The following GALNT18 variants were observed in gnomAD, a reference collection of about 807,000 sequenced individuals.
GALNT18 encodes the protein GalNAc-transferase 18.
Under a neutral mutation model 69.5 loss-of-function variants are expected in GALNT18, and 44 were observed. The ratio of observed to expected loss-of-function variants is 0.63; its 90% confidence interval spans 0.50 to 0.81. The LOEUF is 0.81. GALNT18 is among the 40% of genes least tolerant of loss of function. GALNT18 has a pLI of 0.00. For missense variants in GALNT18, 715 were observed against 810.0 expected (o/e 0.88, Z 1.42); for synonymous variants, 364 against 318.2 (o/e 1.14, Z -1.53).
chr11:11,376,338 C>G (rs1418097371), intron 5 of GALNT18, among the ~76,000 whole-genome samples: 1 of 152,128 alleles, frequency 6.6e-6, no homozygotes, highest in African/African-American at 2.4e-5. Context: ...GCCGAGATCA[C>G]GCCATTGCCC....
chr11:11,324,000 G>A (rs1281110795), intron 9 of GALNT18, among the ~76,000 whole-genome samples: 1 of 152,132 alleles, frequency 6.6e-6, no homozygotes, highest in Non-Finnish European at 1.5e-5. Context: ...GACCTGATAG[G>A]ATTAGCATCC....
chr11:11,288,820 G>T (rs983698604), intron 10 of GALNT18, among the ~76,000 whole-genome samples: 2 of 152,056 alleles, frequency 1.3e-5, no homozygotes, highest in African/African-American at 4.8e-5. Context: ...CAGGGTATGA[G>T]ATGGAACACT....
intron 6 of GALNT18, chr11:11,352,961 T>C (rs1589930463): frequency 1.2e-6 from 2 of 1,614,226 alleles, no homozygotes; most frequent in Non-Finnish European, 1.7e-6. Flanking sequence ...TGGCTTCAAA[T>C]ACTTCACTGT....
At position 11,480,163 on chromosome 11, in the gene GALNT18, T is replaced by A. The variant is rs570953986; in HGVS notation, c.236-31227A>T. On this transcript the variant is annotated intron_variant, in intron 1 of 10. Coordinates refer to ENST00000227756, the MANE Select transcript of GALNT18 (RefSeq NM_198516.3). The surrounding 1 kb of genome is among the most constrained non-coding windows in gnomAD (Gnocchi z 4.6). The stretch of plus-strand genomic sequence containing the variant: ...CAATAACCTCCTATCTGAAACATCA[T>A]CTCCCAGAACAAGCCATGGGTGGTA... 1.8e-3 allele frequency among the ~76,000 whole-genome samples: 272 copies of A among 152,216 alleles called. 1 individual carries two copies. Among genetic ancestry groups the A allele is most frequent in the African/African-American group, 6.2e-3 (256 of 41,522 alleles).
chr11:11,376,402 A>T (rs1028640031), intron 5 of GALNT18, among the ~76,000 whole-genome samples: 1 of 152,202 alleles, frequency 6.6e-6, no homozygotes, highest in South Asian at 2.1e-4. Context: ...ACAAACACAG[A>T]CAGAAATAAA....
chr11:11,304,546 A>G (rs545376451), intron 9 of GALNT18, among the ~76,000 whole-genome samples: 1 of 152,274 alleles, frequency 6.6e-6, no homozygotes, highest in African/African-American at 2.4e-5. Context: ...ACTGAGGAAT[A>G]CTTCCCCTGA....
At chr11:11,571,742 T>C (rs892127686) in intron 1 of GALNT18, among the ~76,000 whole-genome samples, 1 of 152,242 alleles carries the variant, frequency 6.6e-6, no homozygotes, top group Non-Finnish European at 1.5e-5. Context: ...CGTAATGAGG[T>C]TATTTTATCT....
chr11:11,405,248 T>C (rs1408630578), intron 3 of GALNT18, among the ~76,000 whole-genome samples: 2 of 152,152 alleles, frequency 1.3e-5, no homozygotes, highest in Non-Finnish European at 2.9e-5. Flanking sequence ...TAGTTTTAGA[T>C]TTCTAGGCTG....
At position 11,347,859 on chromosome 11, in the gene GALNT18, A is replaced by C. The variant is rs563554565; in HGVS notation, c.1093-6855T>G. Among the ~76,000 whole-genome samples, 1 of 152,326 alleles carries C rather than the reference A, an allele frequency of 6.6e-6. No homozygotes were observed. The highest frequency in any genetic ancestry group is 2.4e-5 in the African/African-American group (1 of 41,572). Reference sequence around the variant, plus strand: ...AAGCAGAGACAAGAGTGAAAAGCCAAAACCAGCAGGCTATGGGGAGGAAGA... The same window carrying C: ...AAGCAGAGACAAGAGTGAAAAGCCACAACCAGCAGGCTATGGGGAGGAAGA... On this transcript the variant is annotated intron_variant, in intron 6 of 10. Coordinates refer to ENST00000227756, the MANE Select transcript of GALNT18 (RefSeq NM_198516.3). This position sits in a 1 kb window ranked among gnomAD's most constrained non-coding sequence, Gnocchi z 4.0.
At position 11,538,108 on chromosome 11, in the gene GALNT18, T is replaced by C. The variant is rs375126319; in HGVS notation, c.235+83251A>G. Among the ~76,000 whole-genome samples the C allele has an allele frequency of 8.5e-5, 13 of 152,336 alleles. No homozygotes were observed. The South Asian group carries it at 1.7e-3, about 19-fold the overall frequency. On this transcript the variant is annotated intron_variant, in intron 1 of 10. Transcript: ENST00000227756. The surrounding 1 kb of genome is among the most constrained non-coding windows in gnomAD (Gnocchi z 5.2). ...TCACACCTCTGTGCTGGAGTTATCA[T>C]CGACCTTGTTTTGCAGAGGGTGAAA...
chr11:11,512,366 T>C (rs968385400), intron 1 of GALNT18, among the ~76,000 whole-genome samples: 3 of 152,212 alleles, frequency 2.0e-5, no homozygotes, highest in Admixed American at 1.3e-4. Flanking sequence ...GGACAGACTG[T>C]TTTTCCTTGT....
rs561015061 is a variant in GALNT18, at chr11:11,471,692, A to C, written c.236-22756T>G. ...CCTTGTAGAAGCAAACTAAGCAAGG[A>C]AACTGAGGCTCAGATAAATTTTGTT... On this transcript the variant is annotated intron_variant, in intron 1 of 10. Coordinates refer to ENST00000227756, the MANE Select transcript of GALNT18 (RefSeq NM_198516.3). Among the ~76,000 whole-genome samples the C allele has an allele frequency of 1.1e-3, 168 of 152,350 alleles. 4 individuals carry two copies. The highest frequency in any genetic ancestry group is 3.9e-3 in the African/African-American group (162 of 41,584).
At position 11,539,943 on chromosome 11, in the gene GALNT18, A is replaced by C. The variant is rs545425712; in HGVS notation, c.235+81416T>G. On this transcript the variant is annotated intron_variant, in intron 1 of 10. Transcript: ENST00000227756. ...CAAGTGTGATATACAGTTTCCAGAC[A>C]CAGTGCCTTGCAGGGGTAAAGGGCA... 3.9e-5 allele frequency among the ~76,000 whole-genome samples: 6 copies of C among 152,346 alleles called. No individual in the cohort carries two copies. The East Asian group carries it at 9.6e-4, about 24-fold the overall frequency.
intron 3 of GALNT18, among the ~76,000 whole-genome samples, chr11:11,416,295 T>C (rs1854855412): frequency 6.6e-6 from 1 of 152,200 alleles, no homozygotes; most frequent in African/African-American, 2.4e-5. Flanking sequence ...TGTCATTTGG[T>C]GACAAGTTAA....
At position 11,582,081 on chromosome 11, in the gene GALNT18, T is replaced by C. The variant is rs1859101531; in HGVS notation, c.235+39278A>G. On this transcript the variant is annotated intron_variant, in intron 1 of 10. Transcript: ENST00000227756. The surrounding 1 kb of genome is among the most constrained non-coding windows in gnomAD (Gnocchi z 5.0). ...ATTAGGAAAAACCAAGCAGAGGCAGTGGGAAAGAGTAGAATGGGCTGCTAG... is the reference window on the plus strand; with the variant it reads ...ATTAGGAAAAACCAAGCAGAGGCAGCGGGAAAGAGTAGAATGGGCTGCTAG... 6.6e-6 allele frequency among the ~76,000 whole-genome samples: 1 copy of C among 151,478 alleles called. No individual in the cohort carries two copies. The highest frequency in any genetic ancestry group is 2.1e-4 in the South Asian group (1 of 4,786).
In GALNT18 at chr11:11,430,213, C is replaced by A. The variant is rs2133790826; in HGVS notation, c.595+2408G>T. Among the ~76,000 whole-genome samples, 1 of 152,284 alleles carries A rather than the reference C, an allele frequency of 6.6e-6. No individual in the cohort carries two copies. The highest frequency in any genetic ancestry group is 2.4e-5 in the African/African-American group (1 of 41,550). On this transcript the variant is annotated intron_variant, in intron 3 of 10. Transcript: ENST00000227756. The surrounding 1 kb of genome is among the most constrained non-coding windows in gnomAD (Gnocchi z 4.9). The stretch of plus-strand genomic sequence containing the variant: ...CTTTGAACTCACTGAACCAGAATCT[C>A]CTAGGAGAGCTTTTTGTTTGTTTTA...
rs1354209634 is a variant in GALNT18, at chr11:11,591,648, T to TC, written c.235+29710dup. Among the ~76,000 whole-genome samples, 9 of 152,174 alleles carry TC rather than the reference T, an allele frequency of 5.9e-5. No individual in the cohort carries two copies. In the South Asian group the frequency reaches 1.2e-3, roughly 21 times the overall value. On this transcript the variant is annotated intron_variant, in intron 1 of 10. Coordinates refer to ENST00000227756, the MANE Select transcript of GALNT18 (RefSeq NM_198516.3). This position sits in a 1 kb window ranked among gnomAD's most constrained non-coding sequence, Gnocchi z 4.8. ...TTTTAAAACAACTTTATGGAAATGC[T>TC]CCCTCCTGGGTGAATGTATGTGGTT...
At chr11:11,399,001 A>T (rs1854396853) in intron 3 of GALNT18, among the ~76,000 whole-genome samples, 1 of 152,176 alleles carries the variant, frequency 6.6e-6, no homozygotes, top group Non-Finnish European at 1.5e-5. Flanking sequence ...AACCCTAAAG[A>T]AAGGGCCTGA....
At chr11:11,443,375 A>G (rs940719147) in intron 2 of GALNT18, among the ~76,000 whole-genome samples, 1 of 152,108 alleles carries the variant, frequency 6.6e-6, no homozygotes, top group Admixed American at 6.5e-5. Flanking sequence ...TCAAAAAGAA[A>G]TGATGTTTCA....
Sources: allele counts gnomAD v4.1 joint callset (sites outside exome capture counted in the v4.1 genomes callset), GRCh38; gene constraint gnomAD v4.1.1; non-coding constraint Gnocchi (gnomAD v3.1); transcripts MANE v1.5; gene names NCBI Gene and HGNC (gene_info 2026-07-23, HGNC 2026-07-21).